The following ZNF483 variants were observed in gnomAD, a reference collection of about 807,000 sequenced individuals.
ZNF483 encodes the protein zinc finger protein HIT-10.
ZNF483 carries 9 observed loss-of-function variants against 28.6 expected under a neutral mutation model. The observed-to-expected ratio is 0.32, with a 90% CI of 0.19 to 0.55. The LOEUF is 0.55. Among genes scored for constraint, ZNF483 ranks in the 20% least tolerant of loss-of-function variants. The probability of loss-of-function intolerance (pLI) is 0.93; values close to 1 mark genes in which losing one functional copy is unlikely to be tolerated. For missense variants in ZNF483, 675 were observed against 871.7 expected (o/e 0.77, Z 2.84); for synonymous variants, 322 against 306.2 (o/e 1.05, Z -0.54).
At chr9:111,557,757 C>A (rs1456255056), downstream of ZNF483, among the ~76,000 whole-genome samples, 2 of 152,146 alleles carry the variant, frequency 1.3e-5, no homozygotes, top group African/African-American at 4.8e-5. Flanking sequence ...ATGATGTTAA[C>A]CTTGACCACT....
chr9:111,539,691 A>T (rs1364714625), intron 5 of ZNF483: 1 of 209,060 alleles, frequency 4.8e-6, no homozygotes, highest in Non-Finnish European at 9.9e-6. Flanking sequence ...TGAACCTGGG[A>T]GGCAGAGATT....
intron 5 of ZNF483, among the ~76,000 whole-genome samples, chr9:111,575,974 T>G (rs1027910615): frequency 4.0e-5 from 6 of 151,532 alleles, no homozygotes; most frequent in Admixed American, 2.6e-4. Flanking sequence ...GGCAACATAG[T>G]GAGACTCCAT....
intron 5 of ZNF483, among the ~76,000 whole-genome samples, chr9:111,567,590 G>A (rs929020358): frequency 2.6e-5 from 4 of 152,202 alleles, no homozygotes; most frequent in Admixed American, 2.0e-4. Flanking sequence ...TGAATACTAA[G>A]AAATGAAATC....
rs137901759 is a variant in ZNF483, at chr9:111,526,560, C to A, written c.-128-708C>A. On this transcript the variant is annotated intron_variant, in intron 1 of 5. Transcript: ENST00000309235. ...TTCTTAGGAAATAAAATCGCCAGAA[C>A]TTGGCGATTGATGGGAGAAGTAAGG... is the stretch of plus-strand genomic sequence containing the variant. Among the ~76,000 whole-genome samples, 128 of 152,236 alleles carry A rather than the reference C, an allele frequency of 8.4e-4. 1 individual carries two copies. Among genetic ancestry groups the A allele is most frequent in the Middle Eastern group, 3.4e-3 (1 of 294 alleles).
At chr9:111,577,614 T>C (rs1025574459) in exon 6 of ZNF483, 2 of 152,106 alleles carry the variant, frequency 1.3e-5, no homozygotes, top group African/African-American at 2.4e-5. Context: ...GGAGGCCGAG[T>C]TGGGAGGTTT....
At chr9:111,525,523 A>T (rs1447862069) in intron 1 of ZNF483, among the ~76,000 whole-genome samples, 1 of 151,602 alleles carries the variant, frequency 6.6e-6, no homozygotes, top group Non-Finnish European at 1.5e-5. Context: ...GGTGAGGGGG[A>T]GGCTCTCCCG....
intron 2 of ZNF483, 110 bp downstream of exon 2, chr9:111,527,917 T>A: frequency 3.2e-6 from 5 of 1,581,412 alleles, no homozygotes; most frequent in Non-Finnish European, 4.3e-6. Context: ...AGGTTAGAAG[T>A]TGGGACTGGG....
rs758823587 is a variant in ZNF483 at position 111,527,461 on chromosome 9, G to A, written c.66G>A (p.Ser22=). The A allele has an allele frequency of 2.5e-6, 4 of 1,614,054 alleles. No homozygotes were observed. Among genetic ancestry groups the A allele is most frequent in the East Asian group, 2.2e-5 (1 of 44,882 alleles). Residue 22 remains serine (S), a synonymous_variant, in exon 2 of 6, where the codon TCG becomes TCA. Coordinates refer to ENST00000309235, the MANE Select transcript of ZNF483 (RefSeq NM_133464.5). ...CACCAGAACCTCAAACTCTGGCCTC[G>A]ACTGAACAAAATGAGGTCCCAAGAG... ...AISPEPQTLA[S]TEQNEVPRVV...
At chr9:111,559,738 G>A (rs1828221765), downstream of ZNF483, among the ~76,000 whole-genome samples, 1 of 152,076 alleles carries the variant, frequency 6.6e-6, no homozygotes, top group Non-Finnish European at 1.5e-5. Flanking sequence ...GGCCATAGAG[G>A]TTCTCCCACC....
Position 111,552,524 on chromosome 9 carries a change from C to G in ZNF483, c.*9354C>G, listed in dbSNP as rs568867569. Among the ~76,000 whole-genome samples the G allele has an allele frequency of 6.6e-6, 1 of 152,214 alleles. No homozygotes were observed. The highest frequency in any genetic ancestry group is 1.9e-4 in the East Asian group (1 of 5,186). ...GACTTAACTTAGCTGGAGTTCCATC[C>G]TTGTGATAGAAACTAACTTTTCTGT... On this transcript the variant is annotated 3_prime_UTR_variant, in exon 6 of 6. Coordinates refer to ENST00000309235, the MANE Select transcript of ZNF483 (RefSeq NM_133464.5).
chr9:111,525,445 T>C (rs535523634), intron 1 of ZNF483, among the ~76,000 whole-genome samples, 183 bp downstream of exon 1: 249 of 152,288 alleles, frequency 1.6e-3, no homozygotes, highest in Non-Finnish European at 2.6e-3. Flanking sequence ...CCTCCATCCC[T>C]CCCTGCGCCA....
chr9:111,544,347 CAT>C lies in ZNF483; in HGVS notation c.*1178_*1179del, dbSNP rs1491103745. The C allele has an allele frequency of 0.022, 17,247 of 793,792 alleles. 8 individuals carry two copies. The highest frequency in any genetic ancestry group is 0.024 in the Non-Finnish European group (16,328 of 674,030). The allele number at this position is 793,792 out of a possible 1,614,324, so 49.2% of individuals were successfully genotyped here. Reference sequence around the variant, plus strand: ...ATAACAATTTGCTTGGGTGTGTGTGCATGTGTGTGTGTGTGTGTGTGTGTGTA... The same window carrying C: ...ATAACAATTTGCTTGGGTGTGTGTGCGTGTGTGTGTGTGTGTGTGTGTGTA... On this transcript the variant is annotated 3_prime_UTR_variant, in exon 6 of 6. Transcript: ENST00000309235.
Position 111,549,987 on chromosome 9 carries a change from G to T in ZNF483, c.*6817G>T, listed in dbSNP as rs1446591191. ...TGTTTTTGTTGACAGCTAGACATTT[G>T]AATTTTATAATGTGGCAACTCTGGA... On this transcript the variant is annotated 3_prime_UTR_variant, in exon 6 of 6. Coordinates refer to ENST00000309235, the MANE Select transcript of ZNF483 (RefSeq NM_133464.5). Among the ~76,000 whole-genome samples the T allele has an allele frequency of 1.3e-5, 2 of 152,082 alleles. No homozygotes were observed. Among genetic ancestry groups the T allele is most frequent in the African/African-American group, 4.8e-5 (2 of 41,414 alleles).
chr9:111,561,110 TAG>T (rs1159365134), intron 5 of ZNF483, among the ~76,000 whole-genome samples: 227 of 19,182 alleles, frequency 0.012, 24 homozygotes, highest in African/African-American at 0.042. Context: ...TATATATATA[TAG>T]AGAGAGAGAG....
At chr9:111,574,879 A>G (rs1344377646) in intron 5 of ZNF483, 3 of 1,453,542 alleles carry the variant, frequency 2.1e-6, no homozygotes, top group African/African-American at 1.4e-5. Flanking sequence ...TAAATAATCT[A>G]AATACTAGAG....
chr9:111,551,982 T>C lies in ZNF483; in HGVS notation c.*8812T>C, dbSNP rs1589282359. Among the ~76,000 whole-genome samples, 1 of 152,356 alleles carries C rather than the reference T, an allele frequency of 6.6e-6. No homozygotes were observed. Among genetic ancestry groups the C allele is most frequent in the East Asian group, 1.9e-4 (1 of 5,192 alleles). On this transcript the variant is annotated 3_prime_UTR_variant, in exon 6 of 6. Coordinates refer to ENST00000309235, the MANE Select transcript of ZNF483 (RefSeq NM_133464.5). ...TGTCTCATTTGAAAAATGTGAGTTATTCTGTTTTATTTGTATTATGAAATG... is the reference window on the plus strand; with the variant it reads ...TGTCTCATTTGAAAAATGTGAGTTACTCTGTTTTATTTGTATTATGAAATG...
At position 111,550,466 on chromosome 9, in the gene ZNF483, T is replaced by TG. The variant is rs779496607; in HGVS notation, c.*7299dup. 1.3e-5 allele frequency among the ~76,000 whole-genome samples: 2 copies of TG among 151,902 alleles called. No individual in the cohort carries two copies. Among genetic ancestry groups the TG allele is most frequent in the Non-Finnish European group, 2.9e-5 (2 of 67,974 alleles). ...GTCTCCACAGCTGCCTGCCATGGAG[T>TG]GGGTGGGGATGGGTAGCTGCTACTT... On this transcript the variant is annotated 3_prime_UTR_variant, in exon 6 of 6. Transcript: ENST00000309235.
intron 5 of ZNF483, among the ~76,000 whole-genome samples, chr9:111,570,389 C>T (rs1828759585): frequency 6.6e-6 from 1 of 152,136 alleles, no homozygotes; most frequent in Admixed American, 6.5e-5. Context: ...CACTCTGCAG[C>T]CAGGCAGAAT....
intron 5 of ZNF483, chr9:111,574,327 A>T (rs893867920): frequency 6.6e-6 from 1 of 152,294 alleles, no homozygotes; most frequent in Admixed American, 6.5e-5. Context: ...AATTATATAT[A>T]TTTTTATTTC....
Sources: allele counts gnomAD v4.1 joint callset (sites outside exome capture counted in the v4.1 genomes callset), GRCh38; gene constraint gnomAD v4.1.1; transcripts MANE v1.5; gene names NCBI Gene and HGNC (gene_info 2026-07-23, HGNC 2026-07-21).